FARP1: variants seen among roughly 807,000 people sequenced by gnomAD.
FARP1 encodes the protein FERM, ARHGEF and pleckstrin domain-containing protein 1.
A neutral mutation model predicts 128.8 loss-of-function variants in FARP1; 52 were observed. The ratio of observed to expected loss-of-function variants is 0.40; its 90% CI spans 0.32 to 0.51. FARP1 has a LOEUF of 0.51. FARP1 is among the 20% of genes least tolerant of loss of function. The pLI, the probability that FARP1 is intolerant of heterozygous loss-of-function variation, is 0.45. For missense variants in FARP1, 1,333 were observed against 1,367.9 expected (o/e 0.97, Z 0.40); for synonymous variants, 580 against 551.8 (o/e 1.05, Z -0.72).
Position 98,440,109 on chromosome 13 carries a change from G to A in FARP1, c.2517-14G>A, listed in dbSNP as rs368816449. The A allele has an allele frequency of 2.4e-5, 39 of 1,610,950 alleles. No individual in the cohort carries two copies. The African/African-American group carries it at 3.7e-4, about 15-fold the overall frequency. On this transcript the variant is annotated splice_polypyrimidine_tract_variant and intron_variant, in intron 22 of 26. Coordinates refer to ENST00000319562, the MANE Select transcript of FARP1 (RefSeq NM_005766.4). ...GTGCTGTGGCCTGAACACCTGACGC[G>A]TCTCTGTCTCCAGTTCTCGGTCCGA...
At chr13:98,183,693 C>T (rs2031107) in intron 1 of FARP1, among the ~76,000 whole-genome samples, 60,003 of 151,982 alleles carry the variant, frequency 0.39, 12,228 homozygotes, top group Non-Finnish European at 0.44. Context: ...TGAATGAGGC[C>T]GAGCTGTTTG....
At chr13:98,396,893 G>A (rs1020436794) in intron 13 of FARP1, 11 of 158,094 alleles carry the variant, frequency 7.0e-5, no homozygotes, top group Non-Finnish European at 1.4e-4. Context: ...TTGAACTGAA[G>A]CATCCTTGAG....
chr13:98,447,905 C>A, intron 26 of FARP1: 1 of 355,424 alleles, frequency 2.8e-6, no homozygotes, highest in Non-Finnish European at 5.2e-6. Flanking sequence ...TGGGACACGT[C>A]CCGCCATTCT....
chr13:98,227,042 G>A (rs559678862), intron 2 of FARP1, among the ~76,000 whole-genome samples: 2 of 152,008 alleles, frequency 1.3e-5, no homozygotes, highest in Non-Finnish European at 2.9e-5. Flanking sequence ...CCGGGTTCAC[G>A]TCATTCTCTA....
At chr13:98,376,966 T>TA (rs1889611687) in intron 5 of FARP1, among the ~76,000 whole-genome samples, 3 of 152,242 alleles carry the variant, frequency 2.0e-5, no homozygotes, top group African/African-American at 7.2e-5. Flanking sequence ...ATGTATTTTT[T>TA]ATCTTACACC....
At chr13:98,238,969 C>A (rs1388062090) in intron 2 of FARP1, among the ~76,000 whole-genome samples, 4 of 152,106 alleles carry the variant, frequency 2.6e-5, no homozygotes, top group African/African-American at 9.7e-5. Flanking sequence ...ACTTAGCATG[C>A]GTTACCTTTG....
intron 1 of FARP1, chr13:98,177,297 G>C: frequency 7.3e-7 from 1 of 1,365,800 alleles, no homozygotes; most frequent in Non-Finnish European, 9.9e-7. Context: ...CCCTTGCGTC[G>C]CTGCACGTGG....
Position 98,176,097 on chromosome 13 carries a change from T to A in FARP1, c.-24+32605T>A. ...CTCAGGCATGGGATTGCAGGAAGAC[T>A]GTCATCTCTCTCATCTTACTCAACA... On this transcript the variant is annotated intron_variant, in intron 1 of 26. Coordinates refer to ENST00000319562, the MANE Select transcript of FARP1 (RefSeq NM_005766.4). This position sits in a 1 kb window ranked among gnomAD's most constrained non-coding sequence, Gnocchi z 6.2. The A allele has an allele frequency of 7.3e-7, 1 of 1,367,704 alleles. No homozygotes were observed. The highest frequency in any genetic ancestry group is 1.0e-6 in the Non-Finnish European group (1 of 966,392). 84.7% of individuals were successfully genotyped at this position (1,367,704 alleles called of 1,614,324 possible).
chr13:98,238,690 C>T (rs989568104), intron 2 of FARP1, among the ~76,000 whole-genome samples: 2 of 152,134 alleles, frequency 1.3e-5, no homozygotes, highest in African/African-American at 4.8e-5. Flanking sequence ...AGACCTGCCC[C>T]CATGATTCAG....
intron 2 of FARP1, among the ~76,000 whole-genome samples, chr13:98,321,294 G>C (rs549429690): frequency 6.6e-6 from 1 of 152,166 alleles, no homozygotes; most frequent in Non-Finnish European, 1.5e-5. Flanking sequence ...AAACTCAGCC[G>C]GATCATCTCA....
At chr13:98,309,805 C>G (rs940130383) in intron 2 of FARP1, among the ~76,000 whole-genome samples, 3 of 152,188 alleles carry the variant, frequency 2.0e-5, no homozygotes, top group African/African-American at 7.2e-5. Context: ...CGGACAAACT[C>G]GAAACGGTGG....
intron 16 of FARP1, among the ~76,000 whole-genome samples, chr13:98,414,027 CA>C (rs971891968): frequency 3.3e-5 from 5 of 152,176 alleles, no homozygotes; most frequent in African/African-American, 1.2e-4. Flanking sequence ...GCTGGCTCCC[CA>C]TTGGAGGGCG....
chr13:98,440,185 A>G lies in FARP1; in HGVS notation c.2579A>G (p.Lys860Arg), dbSNP rs774816455. The G allele has an allele frequency of 1.2e-5, 19 of 1,613,964 alleles. No homozygotes were observed. The South Asian group carries it at 2.1e-4, about 18-fold the overall frequency. The change falls in exon 23 of 27, where the codon AAG becomes AGG. Residue 860 changes from lysine to arginine, a missense_variant. By Grantham distance (26) the Lys-to-Arg change is conservative. Around this residue, in one of 2 missense-constraint regions of FARP1, gnomAD observed 1,009 missense variants for 969.8 expected, o/e 1.04. Transcript: ENST00000319562. ...DIQMAIDLAE[K>R]SSSPAPEFLA... ...CAGATGGCCATTGACCTGGCGGAGA[A>G]GAGCAGCAGCCCCGCCCCTGAGTTC...
intron 2 of FARP1, among the ~76,000 whole-genome samples, chr13:98,259,652 T>C (rs1165259508): frequency 6.6e-6 from 1 of 152,216 alleles, no homozygotes; most frequent in East Asian, 1.9e-4. Flanking sequence ...TTCCAAGTTG[T>C]CTTTTTTCCT....
At chr13:98,307,826 C>T (rs536775383) in intron 2 of FARP1, among the ~76,000 whole-genome samples, 1 of 152,162 alleles carries the variant, frequency 6.6e-6, no homozygotes, top group East Asian at 1.9e-4. Context: ...TTCTAAAGCC[C>T]AAATTTGATA....
intron 3 of FARP1, among the ~76,000 whole-genome samples, chr13:98,360,145 G>T (rs1470951987): frequency 2.7e-5 from 4 of 146,712 alleles, no homozygotes; most frequent in South Asian, 4.3e-4. Flanking sequence ...ACACAGGCTG[G>T]AGTGCAATGG....
intron 2 of FARP1, among the ~76,000 whole-genome samples, chr13:98,237,260 C>T (rs9805287): frequency 0.29 from 43,929 of 150,840 alleles, 6,760 homozygotes; most frequent in Middle Eastern, 0.44. Context: ...GCTGAGATCA[C>T]GCCATTGTAC....
At chr13:98,417,477 AAAAAAAAG>A (rs1227644059) in intron 16 of FARP1, among the ~76,000 whole-genome samples, 1 of 145,854 alleles carries the variant, frequency 6.9e-6, no homozygotes, top group African/African-American at 2.7e-5. Context: ...AAAAAAAAAA[AAAAAAAAG>A]AACACATGGG....
intron 2 of FARP1, among the ~76,000 whole-genome samples, chr13:98,302,928 A>AGG (rs1885983502): frequency 1.3e-5 from 2 of 152,128 alleles, no homozygotes; most frequent in South Asian, 4.1e-4. Context: ...GAGCTGAGGG[A>AGG]GGAGGTAGTG....
Sources: gnomAD v4.1 joint callset for allele counts (sites outside exome capture counted in the v4.1 genomes callset) on GRCh38, gnomAD v4.1.1 for gene constraint, gnomAD v4.1.1 regional missense constraint, Gnocchi (gnomAD v3.1) non-coding constraint, MANE v1.5 for transcripts, NCBI Gene and HGNC (gene_info 2026-07-23, HGNC 2026-07-21) for gene names.